TSLP: variants seen among roughly 807,000 people sequenced by gnomAD.
TSLP encodes the protein thymic stroma-derived lymphopoietin.
TSLP carries 12 observed loss-of-function variants against 12.4 expected under a neutral mutation model. The ratio of observed to expected loss-of-function variants is 0.97; its 90% CI spans 0.62 to 1.57. The LOEUF (loss-of-function observed/expected upper bound fraction) is 1.57, where lower values mean the gene tolerates loss of function less well. Ranked by LOEUF, TSLP falls within the 40% of genes most tolerant of loss-of-function variation. The pLI is 0.00. For synonymous variants in TSLP, 97 were observed against 69.5 expected (o/e 1.40, Z -1.97); for missense variants, 222 against 189.6 (o/e 1.17, Z -1.00).
chr5:111,074,109 T>C (rs1752424814), intron 3 of TSLP, among the ~76,000 whole-genome samples: 1 of 152,230 alleles, frequency 6.6e-6, no homozygotes, highest in Non-Finnish European at 1.5e-5. Flanking sequence ...GCTAAATGTA[T>C]AATTACATTA....
upstream of TSLP, chr5:111,071,691 T>C: frequency 8.0e-7 from 1 of 1,251,818 alleles, no homozygotes; most frequent in Non-Finnish European, 1.1e-6. Flanking sequence ...TGTTATATAG[T>C]GCAGCCAGAA....
chr5:111,071,287 G>A (rs571786790), upstream of TSLP: 47 of 620,314 alleles, frequency 7.6e-5, no homozygotes, highest in East Asian at 1.2e-3. Flanking sequence ...CCAAGGAGAA[G>A]GGAAAGCACT....
At chr5:111,075,215 T>G (rs1214255914) in intron 3 of TSLP, among the ~76,000 whole-genome samples, 1 of 152,202 alleles carries the variant, frequency 6.6e-6, no homozygotes, top group Non-Finnish European at 1.5e-5. Context: ...ATAATGATTT[T>G]GCAGGTTTTT....
chr5:111,072,274 G>A (rs1184501056), intron 1 of TSLP, among the ~76,000 whole-genome samples: 3 of 152,184 alleles, frequency 2.0e-5, no homozygotes, highest in Non-Finnish European at 4.4e-5. Flanking sequence ...ATGCTGATGA[G>A]GAGCAGGTAT....
intron 3 of TSLP, among the ~76,000 whole-genome samples, chr5:111,074,268 G>T (rs11466744): frequency 0.037 from 5,628 of 152,236 alleles, 358 homozygotes; most frequent in African/African-American, 0.13. Context: ...TTAGGCACAG[G>T]AACTCTGGAG....
Position 111,071,853 on chromosome 5 carries a change from G to C in TSLP, c.-38G>C, listed in dbSNP as rs371512032. The C allele has an allele frequency of 1.2e-6, 2 of 1,604,056 alleles. No homozygotes were observed. Among genetic ancestry groups the C allele is most frequent in the Admixed American group, 1.7e-5 (1 of 59,676 alleles). On this transcript the variant is annotated 5_prime_UTR_variant, in exon 1 of 4. Coordinates refer to ENST00000344895, the MANE Select transcript of TSLP (RefSeq NM_033035.5). The stretch of plus-strand genomic sequence containing the variant: ...ATCTCTTACACTCGTGGTGGGAAGA[G>C]TTTAGTGTGAAACTGGGGTGGAATT...
At chr5:111,075,299 C>T (rs1211921576) in intron 3 of TSLP, among the ~76,000 whole-genome samples, 1 of 151,970 alleles carries the variant, frequency 6.6e-6, no homozygotes, top group Non-Finnish European at 1.5e-5. Flanking sequence ...CAGTGTACTA[C>T]TCAAAGGTAA....
intron 3 of TSLP, 25 bp from the exon 4 acceptor site, chr5:111,075,921 G>C: frequency 1.2e-6 from 2 of 1,604,430 alleles, no homozygotes; most frequent in East Asian, 2.2e-5. Context: ...AAGTAATTTT[G>C]ACTATTGATT....
intron 2 of TSLP, 117 bp from the exon 3 acceptor site, chr5:111,073,394 C>T: frequency 2.6e-6 from 4 of 1,555,326 alleles, no homozygotes; most frequent in African/African-American, 1.4e-5. Flanking sequence ...TGACTCTCGA[C>T]TTGTGTTCCC....
At chr5:111,072,191 G>A (rs2112542006) in intron 1 of TSLP, 130 bp downstream of exon 1, 1 of 785,838 alleles carries the variant, frequency 1.3e-6, no homozygotes, top group Non-Finnish European at 1.9e-6. Context: ...TTTTGTCAAG[G>A]ATTCTTACAA....
chr5:111,072,852 T>G lies in TSLP; in HGVS notation c.172-36T>G, dbSNP rs1442447237. 1.9e-6 allele frequency: 3 copies of G among 1,610,916 alleles called. 1 individual carries two copies. The Admixed American group carries it at 5.0e-5, about 27-fold the overall frequency. ...ATGATTTTCCTTGTGGACTTAAAAG[T>G]CTTTACCCTCTTTGTCCTATTTTTC... On this transcript the variant is annotated intron_variant, in intron 1 of 3. Transcript: ENST00000344895.
intron 2 of TSLP, 99 bp from the exon 3 acceptor site, chr5:111,073,412 C>G (rs1752398494): frequency 6.3e-7 from 1 of 1,576,888 alleles, no homozygotes; most frequent in Non-Finnish European, 8.6e-7. Flanking sequence ...CCCCGCTCCT[C>G]CCTGACCTTC....
upstream of TSLP, chr5:111,070,184 C>G (rs1728569807): frequency 6.6e-6 from 1 of 152,346 alleles, no homozygotes; most frequent in African/African-American, 2.4e-5. Context: ...CAGAGGTTTT[C>G]TGACCCTCTC....
intron 3 of TSLP, among the ~76,000 whole-genome samples, chr5:111,074,658 T>A (rs1384143251): frequency 1.6e-5 from 2 of 124,558 alleles, no homozygotes; most frequent in African/African-American, 6.3e-5. Context: ...TGAGACAGAA[T>A]CTCGCTCTGT....
At position 111,076,829 on chromosome 5, in the gene TSLP, A is replaced by G. The variant is rs1035976357; in HGVS notation, c.*755A>G. On this transcript the variant is annotated 3_prime_UTR_variant, in exon 4 of 4. Coordinates refer to ENST00000344895, the MANE Select transcript of TSLP (RefSeq NM_033035.5). ...ATCATCTCTCAAATCTAGTTAGACA[A>G]TTTGCACACATACTTTTCTAAGGGA... The G allele has an allele frequency of 1.3e-5, 2 of 152,174 alleles. No homozygotes were observed. Among genetic ancestry groups the G allele is most frequent in the Admixed American group, 6.5e-5 (1 of 15,276 alleles). The allele number at this position is 152,174 out of a possible 1,614,324, so 9.4% of individuals were successfully genotyped here.
upstream of TSLP, chr5:111,071,202 TG>T: frequency 2.6e-6 from 1 of 380,600 alleles, no homozygotes; most frequent in Non-Finnish European, 4.7e-6. Flanking sequence ...TGCTTTCACA[TG>T]GAAGTGCTGT....
At position 111,075,946 on chromosome 5, in the gene TSLP, A is replaced by G. The variant is rs182364097; in HGVS notation, c.352A>G (p.Ile118Val). Residue 118 changes from isoleucine to valine, a missense_variant and splice_region_variant, in exon 4 of 4, where the codon ATA becomes GTA. Coordinates refer to ENST00000344895, the MANE Select transcript of TSLP (RefSeq NM_033035.5). ...GACTATTGATTCTTATATTCTGCAG[A>G]TAAATGCTACTCAGGCAATGAAGAA... The part of the protein sequence containing the change: ...IWCPGYSETQ[I>V]NATQAMKKRR... 18 of 1,612,832 alleles carry G rather than the reference A, an allele frequency of 1.1e-5. No homozygotes were observed. Among genetic ancestry groups the G allele is most frequent in the East Asian group, 2.2e-5 (1 of 44,852 alleles).
At position 111,077,033 on chromosome 5, in the gene TSLP, A is replaced by G. The variant is rs1034752638; in HGVS notation, c.*959A>G. The G allele has an allele frequency of 5.3e-5, 8 of 152,126 alleles. No homozygotes were observed. Among genetic ancestry groups the G allele is most frequent in the Admixed American group, 3.9e-4 (6 of 15,276 alleles). The allele number at this position is 152,126 out of a possible 1,614,324, so 9.4% of individuals were successfully genotyped here. A position where few individuals can be genotyped will look rare whatever the true frequency, so the allele number is the denominator to read the frequency against. ...AGTCTTTTATTTTTTCCCCTCTTGA[A>G]CTTTCCTCACACCTGGAAGAAACAA... On this transcript the variant is annotated 3_prime_UTR_variant, in exon 4 of 4. Transcript: ENST00000344895.
chr5:111,076,406 A>G lies in TSLP; in HGVS notation c.*332A>G, dbSNP rs1225266232. On this transcript the variant is annotated 3_prime_UTR_variant, in exon 4 of 4. Coordinates refer to ENST00000344895, the MANE Select transcript of TSLP (RefSeq NM_033035.5). ...TTCCCTGAAAAAGGAAAAATATTGAACTCAATGATAGCACCTAAACTTACA... is the reference window on the plus strand; with the variant it reads ...TTCCCTGAAAAAGGAAAAATATTGAGCTCAATGATAGCACCTAAACTTACA... 4.1e-6 allele frequency: 1 copy of G among 241,480 alleles called. No individual in the cohort carries two copies. Among genetic ancestry groups the G allele is most frequent in the Non-Finnish European group, 8.0e-6 (1 of 125,236 alleles). The allele number at this position is 241,480 out of a possible 1,614,324, so 15.0% of individuals were successfully genotyped here.
Sources: allele counts gnomAD v4.1 joint callset (sites outside exome capture counted in the v4.1 genomes callset), GRCh38; gene constraint gnomAD v4.1.1; transcripts MANE v1.5; gene names NCBI Gene and HGNC (gene_info 2026-07-23, HGNC 2026-07-21).